Variants in SLIT3 observed in about 807,000 individuals in gnomAD.
SLIT3 encodes the protein slit guidance ligand 3.
Under a neutral mutation model 184.0 loss-of-function variants are expected in SLIT3, and 68 were observed. That is an observed-to-expected ratio of 0.37 (90% CI 0.30 to 0.45). The LOEUF (loss-of-function observed/expected upper bound fraction) is 0.45. Among genes scored for constraint, SLIT3 ranks in the 20% least tolerant of loss-of-function variants. The pLI, the probability that SLIT3 is intolerant of heterozygous loss-of-function variation, is 1.00. For synonymous variants in SLIT3, 831 were observed against 828.6 expected (o/e 1.00, Z -0.05); for missense variants, 1,707 against 2,026.0 (o/e 0.84, Z 3.02).
intron 4 of SLIT3, among the ~76,000 whole-genome samples, chr5:169,016,374 G>A (rs140053322): frequency 7.9e-5 from 12 of 152,234 alleles, no homozygotes; most frequent in African/African-American, 2.9e-4. Context: ...ACAGCTAACG[G>A]GTGAAATGAC....
At chr5:168,946,714 G>A (rs934688487) in intron 4 of SLIT3, among the ~76,000 whole-genome samples, 3 of 152,106 alleles carry the variant, frequency 2.0e-5, no homozygotes, top group Non-Finnish European at 2.9e-5. Context: ...GGGGTCTTTC[G>A]ACACCGGACA....
chr5:168,944,293 AG>A, intron 4 of SLIT3, among the ~76,000 whole-genome samples: 1 of 152,228 alleles, frequency 6.6e-6, no homozygotes, highest in East Asian at 1.9e-4. Flanking sequence ...GCAGGGTGTT[AG>A]CAGGAGAGGA....
At chr5:168,902,034 G>C (rs1201511560) in intron 4 of SLIT3, among the ~76,000 whole-genome samples, 2 of 152,158 alleles carry the variant, frequency 1.3e-5, no homozygotes, top group Admixed American at 6.6e-5. Context: ...TGGGACTATA[G>C]GTGTGCATCA....
rs753454237 is a variant in SLIT3, at chr5:168,823,311, ATGT to A, written c.575_577del (p.Asn192del). 4.3e-6 allele frequency: 7 copies of A among 1,611,078 alleles called. No individual in the cohort carries two copies. Among genetic ancestry groups the A allele is most frequent in the Non-Finnish European group, 4.2e-6 (5 of 1,177,482 alleles). ...GAAGCTGGTGACCAGGATGCGACTG[ATGT>A]TGTTGTTGTTGAGGGTACTGTGGAG... is the stretch of plus-strand genomic sequence containing the variant. On this transcript the variant is annotated inframe_deletion, in exon 7 of 36. Transcript: ENST00000519560.
At chr5:168,730,066 G>A (rs1402805003) in intron 20 of SLIT3, among the ~76,000 whole-genome samples, 4 of 151,510 alleles carry the variant, frequency 2.6e-5, no homozygotes, top group African/African-American at 9.7e-5. Context: ...GTGAGCAGGA[G>A]TAGCTACACT....
At chr5:169,186,692 G>T (rs1342484889) in intron 4 of SLIT3, among the ~76,000 whole-genome samples, 1 of 152,128 alleles carries the variant, frequency 6.6e-6, no homozygotes, top group Non-Finnish European at 1.5e-5. Context: ...ATTTGTGTGG[G>T]CTTGGAGCAT....
At chr5:169,069,411 G>T (rs1167799772) in intron 4 of SLIT3, among the ~76,000 whole-genome samples, 1 of 152,204 alleles carries the variant, frequency 6.6e-6, no homozygotes, top group Non-Finnish European at 1.5e-5. Context: ...TCCTTTTAGG[G>T]TCAGAGTTCA....
chr5:168,856,364 C>A (rs147308103), intron 5 of SLIT3, among the ~76,000 whole-genome samples: 1 of 152,068 alleles, frequency 6.6e-6, no homozygotes, highest in African/African-American at 2.4e-5. Context: ...AGATCTTACA[C>A]GATGAGATAG....
At position 169,202,362 on chromosome 5, in the gene SLIT3, C is replaced by T. The variant is rs965584755; in HGVS notation, c.342-8812G>A. On this transcript the variant is annotated intron_variant, in intron 3 of 35. Transcript: ENST00000519560. ...CTAAGTGTTGTGTTAGGTGTTTTAT[C>T]TGTATTATCTCACTTCGTCCTTAAA... is the stretch of plus-strand genomic sequence containing the variant. 2.0e-5 allele frequency among the ~76,000 whole-genome samples: 3 copies of T among 152,168 alleles called. No homozygotes were observed. The East Asian group carries it at 5.8e-4, about 29-fold the overall frequency.
intron 4 of SLIT3, among the ~76,000 whole-genome samples, chr5:169,021,772 T>C (rs1756608230): frequency 6.6e-6 from 1 of 152,210 alleles, no homozygotes; most frequent in African/African-American, 2.4e-5. Flanking sequence ...TGTCCCAGGA[T>C]AGCATAGAGA....
Position 168,726,907 on chromosome 5 carries a change from C to T in SLIT3, c.2271-2423G>A, listed in dbSNP as rs574097329. Among the ~76,000 whole-genome samples the T allele has an allele frequency of 7.3e-4, 110 of 151,370 alleles. 1 individual carries two copies. Among genetic ancestry groups the T allele is most frequent in the African/African-American group, 2.4e-3 (100 of 41,218 alleles). ...ATGCCTGTAATCCCAGCTACTCAGGCGGCTGAGGCAGGAGACTCGCTTAAA... is the reference window on the plus strand; with the variant it reads ...ATGCCTGTAATCCCAGCTACTCAGGTGGCTGAGGCAGGAGACTCGCTTAAA... On this transcript the variant is annotated intron_variant, in intron 20 of 35. Transcript: ENST00000519560.
chr5:168,796,709 C>T (rs1357904699), intron 9 of SLIT3, among the ~76,000 whole-genome samples: 2 of 152,142 alleles, frequency 1.3e-5, no homozygotes, highest in East Asian at 3.9e-4. Flanking sequence ...AGAGTAATCC[C>T]CGCTGTAGAG....
intron 4 of SLIT3, among the ~76,000 whole-genome samples, chr5:169,016,614 G>A (rs1279877139): frequency 3.3e-5 from 5 of 152,144 alleles, no homozygotes; most frequent in Admixed American, 3.3e-4. Flanking sequence ...GCTATGAGCT[G>A]TGCTGAGCTC....
intron 4 of SLIT3, among the ~76,000 whole-genome samples, chr5:169,114,112 C>A (rs1302796587): frequency 1.3e-5 from 2 of 152,210 alleles, no homozygotes; most frequent in African/African-American, 4.8e-5. Context: ...TACCCTCCCC[C>A]ACCTAGCTGG....
chr5:168,982,008 A>G (rs924281321), intron 4 of SLIT3, among the ~76,000 whole-genome samples: 1 of 152,172 alleles, frequency 6.6e-6, no homozygotes, highest in African/African-American at 2.4e-5. Context: ...TGTGTACATG[A>G]TATTAACCAC....
chr5:168,862,688 TTG>T (rs10572859), intron 5 of SLIT3, among the ~76,000 whole-genome samples: 17,456 of 151,602 alleles, frequency 0.12, 2,081 homozygotes, highest in African/African-American at 0.31. Flanking sequence ...GTTTTTTTTT[TTG>T]TGAGATGGAG....
chr5:168,920,334 G>A (rs922969952), intron 4 of SLIT3, among the ~76,000 whole-genome samples: 1 of 152,122 alleles, frequency 6.6e-6, no homozygotes, highest in African/African-American at 2.4e-5. Context: ...CCCATGTACA[G>A]AGGCCCCTTA....
chr5:169,191,146 C>T (rs545607555), intron 4 of SLIT3, among the ~76,000 whole-genome samples: 12 of 152,188 alleles, frequency 7.9e-5, no homozygotes, highest in South Asian at 2.1e-4. Flanking sequence ...TTACTGAATG[C>T]GTGAGTGAAT....
intron 4 of SLIT3, among the ~76,000 whole-genome samples, chr5:169,171,183 G>A (rs9313446): frequency 0.24 from 36,956 of 152,122 alleles, 4,826 homozygotes; most frequent in East Asian, 0.41. Context: ...TGAATCTTGA[G>A]GGTTAGATAA....
Sources: allele counts gnomAD v4.1 joint callset (sites outside exome capture counted in the v4.1 genomes callset), GRCh38; gene constraint gnomAD v4.1.1; transcripts MANE v1.5; gene names NCBI Gene and HGNC (gene_info 2026-07-23, HGNC 2026-07-21).